Variants in GNAI1 observed in about 807,000 individuals in gnomAD.
The protein encoded by GNAI1 is G protein subunit alpha i1, also known as guanine nucleotide-binding protein G(i) subunit alpha-1.
GNAI1 carries 11 observed loss-of-function variants against 38.9 expected under a neutral mutation model. The observed-to-expected ratio is 0.28, with a 90% CI of 0.18 to 0.47. The LOEUF (loss-of-function observed/expected upper bound fraction) is 0.47, where lower values mean the gene tolerates loss of function less well. GNAI1 is among the 20% of genes least tolerant of loss of function. The pLI, the probability that GNAI1 is intolerant of heterozygous loss-of-function variation, is 0.99. For synonymous variants in GNAI1, 166 were observed against 145.1 expected, an observed-to-expected ratio of 1.14 and a Z score of -1.04; for missense variants, 317 against 436.9, an observed-to-expected ratio of 0.73 and a Z score of 2.45.
intron 1 of GNAI1, among the ~76,000 whole-genome samples, chr7:80,139,960 T>C (rs1787494938): frequency 6.6e-6 from 1 of 151,140 alleles, no homozygotes; most frequent in Admixed American, 6.6e-5. Context: ...TTCTAATTTT[T>C]ATTTTTGGCC....
At chr7:80,139,181 T>A (rs1408648983) in intron 1 of GNAI1, among the ~76,000 whole-genome samples, 1 of 152,182 alleles carries the variant, frequency 6.6e-6, no homozygotes, top group Non-Finnish European at 1.5e-5. Flanking sequence ...GTTTTGGAAT[T>A]GCTGATTTTT....
At chr7:80,191,823 ATAAT>A (rs1245674465) in intron 3 of GNAI1, among the ~76,000 whole-genome samples, 1 of 152,248 alleles carries the variant, frequency 6.6e-6, no homozygotes, top group Non-Finnish European at 1.5e-5. Context: ...AGCAACATGA[ATAAT>A]CTGTTTTAGT....
intron 5 of GNAI1, among the ~76,000 whole-genome samples, chr7:80,205,307 G>A (rs1788754822): frequency 1.3e-5 from 2 of 151,902 alleles, no homozygotes; most frequent in African/African-American, 4.8e-5. Flanking sequence ...TTAACAGATA[G>A]GGATATTTTT....
intron 1 of GNAI1, among the ~76,000 whole-genome samples, chr7:80,181,967 T>G (rs756574962): frequency 2.0e-5 from 3 of 152,180 alleles, no homozygotes; most frequent in African/African-American, 7.2e-5. Context: ...TGATGTACAG[T>G]GGATCTCTAC....
chr7:80,215,467 A>AT (rs1395977786), intron 7 of GNAI1, among the ~76,000 whole-genome samples: 5 of 152,226 alleles, frequency 3.3e-5, no homozygotes, highest in Non-Finnish European at 7.3e-5. Flanking sequence ...TTCTAGTGAT[A>AT]TAAAAGAGTT....
In GNAI1 at chr7:80,219,720, G is replaced by A. The variant is rs1490069996; in HGVS notation, c.*2227G>A. 6.6e-6 allele frequency among the ~76,000 whole-genome samples: 1 copy of A among 152,018 alleles called. No homozygotes were observed. Among genetic ancestry groups the A allele is most frequent in the East Asian group, 1.9e-4 (1 of 5,182 alleles). ...CATCATCATTTATTCCTTCAATGGG[G>A]AACTTTTTAGTTTAAGTTCTGGGAT... is the stretch of plus-strand genomic sequence containing the variant. On this transcript the variant is annotated 3_prime_UTR_variant, in exon 8 of 8. Coordinates refer to ENST00000649796, the MANE Select transcript of GNAI1 (RefSeq NM_002069.6).
chr7:80,146,148 T>A (rs1217372723), intron 1 of GNAI1, among the ~76,000 whole-genome samples: 1 of 152,110 alleles, frequency 6.6e-6, no homozygotes, highest in Non-Finnish European at 1.5e-5. Context: ...AGCAGTTTCT[T>A]CATCTTCTCT....
chr7:80,168,004 A>G (rs1318614918), intron 1 of GNAI1, among the ~76,000 whole-genome samples: 1 of 152,220 alleles, frequency 6.6e-6, no homozygotes, highest in East Asian at 1.9e-4. Flanking sequence ...ATTCTTCTGT[A>G]TATCACAGTA....
intron 1 of GNAI1, among the ~76,000 whole-genome samples, chr7:80,150,688 T>C (rs1038845899): frequency 4.6e-5 from 7 of 152,196 alleles, no homozygotes; most frequent in African/African-American, 1.7e-4. Flanking sequence ...TATTATCTTA[T>C]TTTCTAGATA....
intron 5 of GNAI1, among the ~76,000 whole-genome samples, chr7:80,210,413 C>T (rs538683179): frequency 6.6e-6 from 1 of 152,030 alleles, no homozygotes; most frequent in African/African-American, 2.4e-5. Context: ...GCAAACCTAC[C>T]CTATCTGAAT....
intron 4 of GNAI1, among the ~76,000 whole-genome samples, chr7:80,201,921 G>A (rs931492736): frequency 6.6e-6 from 1 of 152,116 alleles, no homozygotes; most frequent in East Asian, 1.9e-4. Flanking sequence ...ATGCTAAGAT[G>A]CAGTCAAGTT....
At chr7:80,211,174 TC>T in intron 6 of GNAI1, 76 bp downstream of exon 6, 2 of 1,287,764 alleles carry the variant, frequency 1.6e-6, no homozygotes, top group Non-Finnish European at 2.2e-6. Flanking sequence ...CTTTCTAATG[TC>T]TATAACAATT....
chr7:80,146,321 A>G (rs1333617825), intron 1 of GNAI1, among the ~76,000 whole-genome samples: 1 of 151,830 alleles, frequency 6.6e-6, no homozygotes, highest in African/African-American at 2.4e-5. Context: ...AGGCACTTGT[A>G]CTCTTCCATT....
chr7:80,182,304 A>T (rs1383092137), intron 1 of GNAI1, among the ~76,000 whole-genome samples: 1 of 152,146 alleles, frequency 6.6e-6, no homozygotes, highest in African/African-American at 2.4e-5. Context: ...TGCTGCAGTG[A>T]ACATATCTCA....
In GNAI1 at chr7:80,188,846, G is replaced by A; in HGVS notation, c.119-105G>A. 3 of 747,330 alleles carry A rather than the reference G, an allele frequency of 4.0e-6. 1 individual carries two copies. The highest frequency in any genetic ancestry group is 3.2e-5 in the South Asian group (2 of 61,716). The allele number at this position is 747,330 out of a possible 1,614,324, so 46.3% of individuals were successfully genotyped here. On this transcript the variant is annotated intron_variant, in intron 1 of 7. Transcript: ENST00000649796. ...CAGCTCTAAGAGGTAGACACACAGA[G>A]AGAGACTGGGTGTGTGTGTGTGTGT...
At chr7:80,203,266 A>G (rs915646292) in intron 4 of GNAI1, among the ~76,000 whole-genome samples, 4 of 152,216 alleles carry the variant, frequency 2.6e-5, no homozygotes, top group African/African-American at 7.2e-5. Flanking sequence ...AAGAGCTTTC[A>G]TCACTACTTG....
chr7:80,212,774 C>T lies in GNAI1; in HGVS notation c.779C>T (p.Thr260Ile). 1 of 1,568,196 alleles carries T rather than the reference C, an allele frequency of 6.4e-7. No homozygotes were observed. Among genetic ancestry groups the T allele is most frequent in the Non-Finnish European group, 8.6e-7 (1 of 1,157,992 alleles). ...FDSICNNKWF[T>I]DTSIILFLNK... is the part of the protein sequence containing the mutation. ...AGCATATGTAACAACAAGTGGTTTA[C>T]AGATACATCCATTATACTTTTTCTA... Residue 260 changes from threonine to isoleucine, a missense_variant, in exon 7 of 8, where the codon ACA (threonine) becomes ATA (isoleucine). By Grantham distance (89) the Thr-to-Ile change is moderately conservative. Coordinates refer to ENST00000649796, the MANE Select transcript of GNAI1 (RefSeq NM_002069.6).
chr7:80,147,251 A>C (rs1216028765), intron 1 of GNAI1, among the ~76,000 whole-genome samples: 1 of 151,974 alleles, frequency 6.6e-6, no homozygotes, highest in Non-Finnish European at 1.5e-5. Flanking sequence ...ATTCCCCCAA[A>C]ATTCACATGT....
chr7:80,215,268 C>G (rs1788940188), intron 7 of GNAI1, among the ~76,000 whole-genome samples: 1 of 152,156 alleles, frequency 6.6e-6, no homozygotes, highest in African/African-American at 2.4e-5. Flanking sequence ...TTAGGGTAAT[C>G]TAGCTAGCTG....
Sources: gnomAD v4.1 joint callset for allele counts (sites outside exome capture counted in the v4.1 genomes callset) on GRCh38, gnomAD v4.1.1 for gene constraint, MANE v1.5 for transcripts, NCBI Gene and HGNC (gene_info 2026-07-23, HGNC 2026-07-21) for gene names.